DNAH5: variants seen among roughly 807,000 people sequenced by gnomAD.
DNAH5 encodes the protein dynein axonemal heavy chain 5.
Under a neutral mutation model 518.2 loss-of-function variants are expected in DNAH5, and 372 were observed. That is an observed-to-expected ratio of 0.72 (90% CI 0.66 to 0.78). The LOEUF (loss-of-function observed/expected upper bound fraction) is 0.78, where lower values mean the gene tolerates loss of function less well. Ranked by LOEUF, DNAH5 falls within the 30% of genes least tolerant of loss-of-function variation. The pLI is 0.00. For missense variants in DNAH5, 5,523 were observed against 5,687.0 expected (o/e 0.97, Z 0.93); for synonymous variants, 2,039 against 2,025.9 (o/e 1.01, Z -0.17).
At chr5:13,853,292 G>A (rs1416005401) in intron 30 of DNAH5, among the ~76,000 whole-genome samples, 1 of 152,166 alleles carries the variant, frequency 6.6e-6, no homozygotes, top group East Asian at 1.9e-4. Context: ...GTCTGTTAGA[G>A]GAACACTAAC....
At chr5:13,859,406 G>C (rs1768066516) in intron 30 of DNAH5, 46 bp downstream of exon 30, 2 of 1,607,994 alleles carry the variant, frequency 1.2e-6, no homozygotes, top group Admixed American at 1.7e-5. Context: ...CGCTCTGAGA[G>C]CTTTCTCTGA....
chr5:13,737,470 A>G lies in DNAH5; in HGVS notation c.11237T>C (p.Leu3746Pro), dbSNP rs373741309. The G allele has an allele frequency of 6.2e-7, 1 of 1,613,928 alleles. No homozygotes were observed. Among genetic ancestry groups the G allele is most frequent in the African/African-American group, 1.3e-5 (1 of 74,940 alleles). The change falls in exon 66 of 79, where the codon CTG becomes CCG. Residue 3746 changes from leucine to proline, a missense_variant. Physicochemically the swap from Leu to Pro is moderately conservative, Grantham distance 98. Coordinates refer to ENST00000265104, the MANE Select transcript of DNAH5 (RefSeq NM_001369.3). Reference sequence around the variant, plus strand: ...TTTGTTTGCAGTTACATCTTCCATCAGATGAGTTCTTTCTTTCTCCAATTC... The same window carrying G: ...TTTGTTTGCAGTTACATCTTCCATCGGATGAGTTCTTTCTTTCTCCAATTC... ...KQELEKERTH[L>P]MEDVTANKRR...
At chr5:13,872,880 G>A (rs1177563877) in intron 22 of DNAH5, among the ~76,000 whole-genome samples, 1 of 151,846 alleles carries the variant, frequency 6.6e-6, no homozygotes, top group East Asian at 1.9e-4. Context: ...TCACTCATAA[G>A]TTAGTGCTAA....
intron 11 of DNAH5, 100 bp downstream of exon 11, chr5:13,913,643 C>T (rs1230525045): frequency 2.9e-6 from 4 of 1,386,414 alleles, no homozygotes; most frequent in African/African-American, 1.4e-5. Context: ...TTTTACTTTA[C>T]AGACTGATGA....
intron 41 of DNAH5, among the ~76,000 whole-genome samples, chr5:13,819,420 A>C (rs1761934772): frequency 6.6e-6 from 1 of 152,168 alleles, no homozygotes; most frequent in Non-Finnish European, 1.5e-5. Context: ...CAACACCTGC[A>C]GGGTCCCACA....
At chr5:13,814,271 A>G (rs1012066911) in intron 43 of DNAH5, among the ~76,000 whole-genome samples, 3 of 152,240 alleles carry the variant, frequency 2.0e-5, no homozygotes, top group African/African-American at 7.2e-5. Context: ...GTACCTTTCA[A>G]AAATATCATG....
chr5:13,933,823 T>C (rs896587058), intron 1 of DNAH5, among the ~76,000 whole-genome samples: 12 of 147,334 alleles, frequency 8.1e-5, no homozygotes, highest in African/African-American at 3.0e-4. Flanking sequence ...AGGATGAATG[T>C]GCAAAGAGAT....
rs748793895 is a variant in DNAH5 at position 13,809,127 on chromosome 5, G to A, written c.7669C>T (p.Pro2557Ser). 1 of 1,614,186 alleles carries A rather than the reference G, an allele frequency of 6.2e-7. No individual in the cohort carries two copies. The highest frequency in any genetic ancestry group is 8.5e-7 in the Non-Finnish European group (1 of 1,180,032). ...QEYLYPSDTT[P>S]EYGSILVPNV... ...GGCACCAGAATAGAACCATACTCTG[G>A]GGTGGTATCAGACGGATACAGGTAT... is the stretch of plus-strand genomic sequence containing the variant. Residue 2557 changes from proline (P) to serine (S), a missense_variant, in exon 46 of 79, where the codon CCA becomes TCA. By Grantham distance (74) the Pro-to-Ser change is moderately conservative. Around this residue, in one of 3 missense-constraint regions of DNAH5, gnomAD observed 5,121 missense variants for 5,223.3 expected, o/e 0.98. Coordinates refer to ENST00000265104, the MANE Select transcript of DNAH5 (RefSeq NM_001369.3).
intron 59 of DNAH5, among the ~76,000 whole-genome samples, chr5:13,765,070 A>G (rs1752338078): frequency 2.0e-5 from 3 of 152,228 alleles, no homozygotes; most frequent in African/African-American, 7.2e-5. Flanking sequence ...TTGTATCTAC[A>G]TGGTGGAAAC....
At chr5:13,949,526 AG>A (rs1421335878), upstream of DNAH5, among the ~76,000 whole-genome samples, 11 of 152,200 alleles carry the variant, frequency 7.2e-5, no homozygotes, top group Non-Finnish European at 1.5e-4. Context: ...AAGATGCACA[AG>A]TTTCCTGGGA....
chr5:13,875,090 T>C (rs953941892), intron 22 of DNAH5, among the ~76,000 whole-genome samples: 3 of 152,214 alleles, frequency 2.0e-5, no homozygotes, highest in Admixed American at 6.5e-5. Flanking sequence ...TTCAAGTTGT[T>C]ATAAATGCCA....
At chr5:13,766,200 T>C in intron 58 of DNAH5, 21 bp from the exon 59 acceptor site, 1 of 1,613,646 alleles carries the variant, frequency 6.2e-7, no homozygotes, top group South Asian at 1.1e-5. Flanking sequence ...AAAGGAACGA[T>C]CACCCAACCA....
At chr5:13,894,508 G>A in intron 16 of DNAH5, 142 bp downstream of exon 16, 3 of 859,180 alleles carry the variant, frequency 3.5e-6, no homozygotes, top group Non-Finnish European at 5.4e-6. Flanking sequence ...CGCATGTTTT[G>A]GAACACTTCC....
At chr5:13,883,500 T>C (rs368554400) in intron 19 of DNAH5, among the ~76,000 whole-genome samples, 1 of 152,192 alleles carries the variant, frequency 6.6e-6, no homozygotes, top group South Asian at 2.1e-4. Flanking sequence ...AAATAACCAC[T>C]TTGGAATTTC....
intron 12 of DNAH5, among the ~76,000 whole-genome samples, chr5:13,908,305 T>C (rs1775597619): frequency 6.6e-6 from 1 of 152,212 alleles, no homozygotes. Flanking sequence ...TCTACATTTT[T>C]TCACTACATA....
At chr5:14,004,977 T>C (rs980044135) in intron 1 of DNAH5, among the ~76,000 whole-genome samples, 13 of 152,148 alleles carry the variant, frequency 8.5e-5, no homozygotes, top group African/African-American at 3.1e-4. Context: ...CAGAGCCACC[T>C]TGGTACTCAG....
At chr5:13,960,708 G>C (rs919654813) in intron 1 of DNAH5, among the ~76,000 whole-genome samples, 3 of 152,132 alleles carry the variant, frequency 2.0e-5, no homozygotes, top group Non-Finnish European at 4.4e-5. Context: ...GGCACAGCCC[G>C]GCTCCATGCT....
At chr5:13,834,366 G>A (rs1764090196) in intron 35 of DNAH5, among the ~76,000 whole-genome samples, 1 of 152,168 alleles carries the variant, frequency 6.6e-6, no homozygotes, top group Non-Finnish European at 1.5e-5. Flanking sequence ...CAGAGGGATA[G>A]AAAATAAACT....
At chr5:13,865,954 C>A (rs1341622061) in intron 26 of DNAH5, 48 bp from the exon 27 acceptor site, 1 of 1,265,026 alleles carries the variant, frequency 7.9e-7, no homozygotes, top group Non-Finnish European at 1.2e-6. Context: ...TATACATGAT[C>A]AACATACAAA....
Sources: gnomAD v4.1 joint callset for allele counts (sites outside exome capture counted in the v4.1 genomes callset) on GRCh38, gnomAD v4.1.1 for gene constraint, gnomAD v4.1.1 regional missense constraint, MANE v1.5 for transcripts, NCBI Gene and HGNC (gene_info 2026-07-23, HGNC 2026-07-21) for gene names.